Variants in GPC6 observed in about 807,000 individuals in gnomAD.
GPC6 encodes glypican-6.
A neutral mutation model predicts 55.2 loss-of-function variants in GPC6; 14 were observed. The observed-to-expected ratio is 0.25, with a 90% CI of 0.17 to 0.40. The LOEUF is 0.40. Ranked by LOEUF, GPC6 falls within the 10% of genes least tolerant of loss-of-function variation. The pLI is 1.00. For synonymous variants in GPC6, 278 were observed against 259.6 expected (o/e 1.07, Z -0.68); for missense variants, 641 against 708.5 (o/e 0.90, Z 1.08).
At chr13:93,448,162 T>A (rs922359974) in intron 1 of GPC6, among the ~76,000 whole-genome samples, 4 of 152,184 alleles carry the variant, frequency 2.6e-5, no homozygotes, top group Non-Finnish European at 5.9e-5. Flanking sequence ...AGACATGTGC[T>A]TCATAATGAT....
chr13:94,232,985 A>C (rs1251929265), intron 4 of GPC6, among the ~76,000 whole-genome samples: 4 of 131,078 alleles, frequency 3.1e-5, no homozygotes, highest in Admixed American at 2.5e-4. Flanking sequence ...AGGTTTTATA[A>C]CTTTTTTTTT....
intron 3 of GPC6, among the ~76,000 whole-genome samples, chr13:94,023,560 T>C (rs1193718489): frequency 2.6e-5 from 4 of 152,054 alleles, no homozygotes; most frequent in Non-Finnish European, 4.4e-5. Flanking sequence ...GGAAACAGTT[T>C]AGCGATTTCT....
In GPC6 at chr13:93,497,983, C is replaced by A. The variant is rs9561375; in HGVS notation, c.161-47280C>A. 1.8e-3 allele frequency among the ~76,000 whole-genome samples: 267 copies of A among 152,286 alleles called. 4 individuals carry two copies. The East Asian group carries it at 0.05, about 29-fold the overall frequency. The stretch of plus-strand genomic sequence containing the variant: ...GTAGACTGTGCTCAAATATTTCTAA[C>A]TTTGTAGTACTGGTTAGAAAGAAGG... On this transcript the variant is annotated intron_variant, in intron 1 of 8. Coordinates refer to ENST00000377047, the MANE Select transcript of GPC6 (RefSeq NM_005708.5).
intron 4 of GPC6, among the ~76,000 whole-genome samples, chr13:94,143,105 G>A (rs138180784): frequency 0.18 from 27,510 of 151,082 alleles, 2,824 homozygotes; most frequent in Non-Finnish European, 0.23. Context: ...GATTACAGAC[G>A]TGAGCCACCA....
intron 3 of GPC6, among the ~76,000 whole-genome samples, chr13:93,860,847 A>T (rs1888785890): frequency 6.6e-6 from 1 of 151,676 alleles, no homozygotes; most frequent in East Asian, 2.0e-4. Context: ...TTTGAATCTC[A>T]TCTTTTCTTA....
chr13:94,031,081 C>CGT (rs900171157), intron 4 of GPC6, among the ~76,000 whole-genome samples: 3 of 145,716 alleles, frequency 2.1e-5, no homozygotes, highest in African/African-American at 7.8e-5. Flanking sequence ...TGTGCGTGTG[C>CGT]GTGTGTGTGT....
At chr13:93,610,062 A>G (rs1255537285) in intron 2 of GPC6, among the ~76,000 whole-genome samples, 1 of 152,188 alleles carries the variant, frequency 6.6e-6, no homozygotes, top group Non-Finnish European at 1.5e-5. Flanking sequence ...GAGGACATGG[A>G]TGAAAGAAGT....
intron 3 of GPC6, among the ~76,000 whole-genome samples, chr13:93,937,477 C>A (rs796593802): frequency 2.6e-5 from 4 of 152,306 alleles, no homozygotes; most frequent in African/African-American, 9.6e-5. Context: ...TATTTATCTA[C>A]AGTCAGAAAT....
At chr13:93,998,190 A>G (rs1356149571) in intron 3 of GPC6, among the ~76,000 whole-genome samples, 1 of 152,348 alleles carries the variant, frequency 6.6e-6, no homozygotes, top group East Asian at 1.9e-4. Flanking sequence ...TTTCCATCAT[A>G]CAGATACAAC....
chr13:93,522,882 T>G (rs1160177762), intron 1 of GPC6, among the ~76,000 whole-genome samples: 1 of 151,862 alleles, frequency 6.6e-6, no homozygotes, highest in African/African-American at 2.4e-5. Flanking sequence ...TGGCTGCACA[T>G]TTCAGTGATT....
chr13:93,285,632 G>GTGTGTGTGTA (rs1555287678), intron 1 of GPC6, among the ~76,000 whole-genome samples: 21 of 142,312 alleles, frequency 1.5e-4, no homozygotes, highest in African/African-American at 4.0e-4. Context: ...GTGTGTGTGT[G>GTGTGTGTGTA]TGTGTGTGTG....
At chr13:93,960,049 A>T (rs1879696241) in intron 3 of GPC6, among the ~76,000 whole-genome samples, 1 of 152,170 alleles carries the variant, frequency 6.6e-6, no homozygotes, top group Non-Finnish European at 1.5e-5. Context: ...TGTAGACTCC[A>T]CATCTTCTCA....
At chr13:94,172,497 C>G (rs1888607812) in intron 4 of GPC6, among the ~76,000 whole-genome samples, 1 of 152,132 alleles carries the variant, frequency 6.6e-6, no homozygotes, top group Admixed American at 6.6e-5. Flanking sequence ...CAAATTATAG[C>G]CATCAGCTAA....
chr13:93,729,233 A>G (rs973573862), intron 2 of GPC6, among the ~76,000 whole-genome samples: 2 of 152,180 alleles, frequency 1.3e-5, no homozygotes, highest in Non-Finnish European at 2.9e-5. Flanking sequence ...GCAATGCTCT[A>G]CAAGGACATT....
chr13:93,810,083 T>C, intron 2 of GPC6, among the ~76,000 whole-genome samples: 1 of 152,104 alleles, frequency 6.6e-6, no homozygotes, highest in East Asian at 1.9e-4. Flanking sequence ...ACGCATATTG[T>C]CTCAGGCTGG....
intron 4 of GPC6, among the ~76,000 whole-genome samples, chr13:94,244,748 T>A (rs1438340525): frequency 6.6e-6 from 1 of 152,030 alleles, no homozygotes; most frequent in South Asian, 2.1e-4. Context: ...TGATTTTTTT[T>A]AAATATGAAA....
At chr13:94,320,385 T>G (rs1357477515) in intron 6 of GPC6, among the ~76,000 whole-genome samples, 1 of 152,220 alleles carries the variant, frequency 6.6e-6, no homozygotes, top group Non-Finnish European at 1.5e-5. Context: ...TTTCTGCAGT[T>G]TCTTACAAAT....
At chr13:94,238,203 G>T (rs901406786) in intron 4 of GPC6, among the ~76,000 whole-genome samples, 5 of 152,228 alleles carry the variant, frequency 3.3e-5, no homozygotes, top group African/African-American at 7.2e-5. Flanking sequence ...TGTCAAGTGG[G>T]CATTGGATAA....
chr13:94,257,319 C>G (rs892231973), intron 4 of GPC6, among the ~76,000 whole-genome samples: 1 of 152,176 alleles, frequency 6.6e-6, no homozygotes, highest in African/African-American at 2.4e-5. Context: ...ATGTCCTAAT[C>G]AAAGTCATTT....
Sources: gnomAD v4.1 joint callset for allele counts (sites outside exome capture counted in the v4.1 genomes callset) on GRCh38, gnomAD v4.1.1 for gene constraint, MANE v1.5 for transcripts, NCBI Gene and HGNC (gene_info 2026-07-23, HGNC 2026-07-21) for gene names.